The following AGAP3 variants were observed in gnomAD, a reference collection of about 807,000 sequenced individuals.
AGAP3 encodes arf-GAP with GTPase, ANK repeat and PH domain-containing protein 3.
In AGAP3, 24 loss-of-function variants were observed where a neutral mutation model predicts 96.9. That is an observed-to-expected ratio of 0.25 (90% confidence interval 0.18 to 0.35). The LOEUF is 0.35. AGAP3 is among the 10% of genes least tolerant of loss of function. The probability of loss-of-function intolerance (pLI) is 1.00; values close to 1 mark genes in which losing one functional copy is unlikely to be tolerated. For missense variants in AGAP3, 876 were observed against 1,254.2 expected, an observed-to-expected ratio of 0.70 and a Z score of 4.55; for synonymous variants, 563 against 536.1, an observed-to-expected ratio of 1.05 and a Z score of -0.69.
In AGAP3 at chr7:151,118,080, G is replaced by A. The variant is rs147773658; in HGVS notation, c.707-130G>A. 44 of 1,268,158 alleles carry A rather than the reference G, an allele frequency of 3.5e-5. 1 individual carries two copies. In the Middle Eastern group the frequency reaches 1.4e-3, roughly 42 times the overall value. 78.6% of individuals were successfully genotyped at this position (1,268,158 alleles called of 1,614,324 possible). On this transcript the variant is annotated intron_variant, in intron 5 of 17. Transcript: ENST00000397238. This position sits in a 1 kb window ranked among gnomAD's most constrained non-coding sequence, Gnocchi z 6.1. ...GGGTTGAAATGAGACCCAGGCACCC[G>A]CGTTCTTGGTGCTCTGTGTGTTCCA...
intron 1 of AGAP3, among the ~76,000 whole-genome samples, chr7:151,103,830 G>A (rs192901122): frequency 2.0e-3 from 301 of 152,348 alleles, no homozygotes; most frequent in Non-Finnish European, 3.4e-3. Flanking sequence ...TGTAGGGCCA[G>A]GACCCATTTT....
intron 8 of AGAP3, among the ~76,000 whole-genome samples, chr7:151,122,554 C>T (rs1799957807): frequency 6.6e-6 from 1 of 151,830 alleles, no homozygotes; most frequent in Non-Finnish European, 1.5e-5. Context: ...CCTTCTCCTC[C>T]TCCTCCTTGT....
Position 151,114,716 on chromosome 7 carries a change from G to A in AGAP3, c.332-2077G>A, listed in dbSNP as rs1799455796. Reference sequence around the variant, plus strand: ...GCGCCCCGGCCGCGGCCCCGGCCCGGGCCCAGCCCCGTGCCCCTCGCCATG... The same window carrying A: ...GCGCCCCGGCCGCGGCCCCGGCCCGAGCCCAGCCCCGTGCCCCTCGCCATG... On this transcript the variant is annotated intron_variant, in intron 1 of 17. Transcript: ENST00000397238. The surrounding 1 kb of genome is among the most constrained non-coding windows in gnomAD (Gnocchi z 4.4). 2.0e-6 allele frequency: 2 copies of A among 1,001,202 alleles called. No individual in the cohort carries two copies. Among genetic ancestry groups the A allele is most frequent in the Admixed American group, 6.0e-5 (1 of 16,602 alleles). The allele number at this position is 1,001,202 out of a possible 1,614,324, so 62.0% of individuals were successfully genotyped here.
At chr7:151,103,015 GC>G (rs2150426657) in intron 1 of AGAP3, among the ~76,000 whole-genome samples, 1 of 152,354 alleles carries the variant, frequency 6.6e-6, no homozygotes, top group East Asian at 1.9e-4. Context: ...TTGTGCTACT[GC>G]ACTCCAGCTT....
intron 9 of AGAP3, among the ~76,000 whole-genome samples, chr7:151,127,708 T>C (rs942227818): frequency 9.2e-5 from 14 of 152,306 alleles, no homozygotes; most frequent in Admixed American, 2.0e-4. Context: ...GCTGAGCCAG[T>C]GAGAGCATCT....
chr7:151,107,350 A>AC (rs1384995191), intron 1 of AGAP3, among the ~76,000 whole-genome samples: 3 of 147,896 alleles, frequency 2.0e-5, no homozygotes, highest in Non-Finnish European at 3.0e-5. Flanking sequence ...GGGGCCAGGC[A>AC]CGATGGCTCA....
rs373963265 is a variant in AGAP3 at position 151,138,596 on chromosome 7, C to T, written c.1666+283C>T. On this transcript the variant is annotated intron_variant, in intron 12 of 17. Transcript: ENST00000397238. ...TGCCTGCAGCCCTGCCTGGGGCCGGCGCTAGAGGCCCACCCTCTGCAGCTC... is the reference window on the plus strand; with the variant it reads ...TGCCTGCAGCCCTGCCTGGGGCCGGTGCTAGAGGCCCACCCTCTGCAGCTC... 9.6e-4 allele frequency among the ~76,000 whole-genome samples: 147 copies of T among 152,334 alleles called. 1 individual carries two copies. Among genetic ancestry groups the T allele is most frequent in the South Asian group, 9.3e-3 (45 of 4,828 alleles).
chr7:151,138,794 C>T (rs1439477201), intron 12 of AGAP3, among the ~76,000 whole-genome samples: 1 of 152,190 alleles, frequency 6.6e-6, no homozygotes, highest in Non-Finnish European at 1.5e-5. Context: ...AAGGCAGCAG[C>T]ATCTCGCCCG....
intron 1 of AGAP3, chr7:151,112,134 T>A (rs1173454119): frequency 1.3e-5 from 2 of 152,262 alleles, no homozygotes; most frequent in African/African-American, 4.8e-5. Context: ...GGTCTTTGAC[T>A]GGCTTGATGT....
Position 151,133,942 on chromosome 7 carries a change from T to TG in AGAP3, c.1327-455dup, listed in dbSNP as rs1284944896. Among the ~76,000 whole-genome samples the TG allele has an allele frequency of 6.6e-6, 1 of 152,194 alleles. No homozygotes were observed. The highest frequency in any genetic ancestry group is 1.5e-5 in the Non-Finnish European group (1 of 68,032). ...TATTATCAGACACTGTCCTAAGGGC[T>TG]GGGACTATTCTAGGCTTTAGAAGGT... is the stretch of plus-strand genomic sequence containing the variant. On this transcript the variant is annotated intron_variant, in intron 10 of 17. Coordinates refer to ENST00000397238, the MANE Select transcript of AGAP3 (RefSeq NM_031946.7). This position sits in a 1 kb window ranked among gnomAD's most constrained non-coding sequence, Gnocchi z 5.4.
intron 8 of AGAP3, 82 bp downstream of exon 8, chr7:151,120,227 C>T (rs1377711264): frequency 5.6e-6 from 8 of 1,432,864 alleles, no homozygotes; most frequent in East Asian, 2.3e-5. Flanking sequence ...CCAGGAGGGG[C>T]GTGGGCAGCC....
intron 11 of AGAP3, chr7:151,136,547 G>A (rs796269586): frequency 6.6e-6 from 1 of 152,350 alleles, no homozygotes; most frequent in African/African-American, 2.4e-5. Context: ...GCTTTATGCA[G>A]AATTATCCTC....
At chr7:151,120,454 C>T in intron 8 of AGAP3, 6 of 662,116 alleles carry the variant, frequency 9.1e-6, no homozygotes, top group South Asian at 7.5e-5. Flanking sequence ...TTTAGGGTGT[C>T]TGTGAGCTTG....
At chr7:151,135,707 G>T (rs1584782694) in intron 11 of AGAP3, among the ~76,000 whole-genome samples, 1 of 152,212 alleles carries the variant, frequency 6.6e-6, no homozygotes, top group African/African-American at 2.4e-5. Context: ...AGGGGGAGGG[G>T]CCTGACACAA....
intron 1 of AGAP3, among the ~76,000 whole-genome samples, chr7:151,087,979 T>C (rs1798228885): frequency 6.6e-6 from 1 of 152,214 alleles, no homozygotes; most frequent in African/African-American, 2.4e-5. Flanking sequence ...CCCTGGGCCA[T>C]CTGCTTCCTC....
chr7:151,120,597 A>G lies in AGAP3; in HGVS notation c.1128+452A>G, dbSNP rs767336892. On this transcript the variant is annotated intron_variant, in intron 8 of 17. Transcript: ENST00000397238. The stretch of plus-strand genomic sequence containing the variant: ...GCTGGCCCAGCTAGAGTCAGAGCCC[A>G]GGCCTCCCCGTCGCCTTCCGGCTCT... The G allele has an allele frequency of 7.8e-5, 101 of 1,290,402 alleles. 1 individual carries two copies. The South Asian group carries it at 1.2e-3, about 16-fold the overall frequency. 79.9% of individuals were successfully genotyped at this position (1,290,402 alleles called of 1,614,324 possible). A position where few individuals can be genotyped will look rare whatever the true frequency, so the allele number is the denominator to read the frequency against.
At chr7:151,119,875 C>G in intron 7 of AGAP3, 112 bp from the exon 8 acceptor site, 1 of 1,010,016 alleles carries the variant, frequency 9.9e-7, no homozygotes, top group Non-Finnish European at 1.4e-6. Flanking sequence ...GGCCCCTCTG[C>G]TGCCCATGAG....
intron 1 of AGAP3, 98 bp from the exon 2 acceptor site, chr7:151,116,695 T>G (rs1397626323): frequency 1.4e-6 from 2 of 1,403,870 alleles, no homozygotes; most frequent in African/African-American, 2.8e-5. Flanking sequence ...TCCTCTGGCC[T>G]GGGCTTGGGG....
chr7:151,101,887 C>T (rs1259353380), intron 1 of AGAP3, among the ~76,000 whole-genome samples: 5 of 152,212 alleles, frequency 3.3e-5, no homozygotes, highest in South Asian at 2.1e-4. Context: ...AAAGGTGGGC[C>T]GGTGCGCCTG....
Sources: allele counts gnomAD v4.1 joint callset (sites outside exome capture counted in the v4.1 genomes callset), GRCh38; gene constraint gnomAD v4.1.1; non-coding constraint Gnocchi (gnomAD v3.1); transcripts MANE v1.5; gene names NCBI Gene and HGNC (gene_info 2026-07-23, HGNC 2026-07-21).